Variants in TRPM3 observed in about 807,000 individuals in gnomAD.
TRPM3 encodes transient receptor potential cation channel subfamily M member 3.
A neutral mutation model predicts 181.2 loss-of-function variants in TRPM3; 77 were observed. The observed-to-expected ratio is 0.42, with a 90% CI of 0.35 to 0.51. TRPM3 has a LOEUF of 0.51. Among genes scored for constraint, TRPM3 ranks in the 20% least tolerant of loss-of-function variants. TRPM3 has a pLI of 0.01. For synonymous variants in TRPM3, 745 were observed against 796.4 expected, an observed-to-expected ratio of 0.94 and a Z score of 1.09; for missense variants, 1,759 against 2,196.7, an observed-to-expected ratio of 0.80 and a Z score of 3.98.
At position 70,863,068 on chromosome 9, in the gene TRPM3, G is replaced by C. The variant is rs1226530851; in HGVS notation, c.302C>G (p.Pro101Arg). The C allele has an allele frequency of 1.2e-6, 2 of 1,613,560 alleles. No homozygotes were observed. Among genetic ancestry groups the C allele is most frequent in the East Asian group, 2.2e-5 (1 of 44,844 alleles). ...CTCATTCTGAAGCACGGAGATACTG[G>C]GGGTGAGGCCAACATGCTGGCCTAT... The part of the protein sequence containing the change: ...RLIGQHVGLT[P>R]SISVLQNEKN... Residue 101 changes from proline (P) to arginine (R), a missense_variant, in exon 3 of 26, where the codon CCC becomes CGC. Physicochemically the swap from Pro to Arg is moderately radical, Grantham distance 103 (BLOSUM62 -2). Around this residue, in one of 8 missense-constraint regions of TRPM3, gnomAD observed 737 missense variants for 957.4 expected, o/e 0.77. Transcript: ENST00000677713.
chr9:70,860,100 T>C (rs911293044), intron 3 of TRPM3, among the ~76,000 whole-genome samples: 12 of 152,228 alleles, frequency 7.9e-5, no homozygotes, highest in Non-Finnish European at 2.9e-5. Context: ...TTTGTTACTT[T>C]TATAAGTAGC....
rs35173071 is a variant in TRPM3, at chr9:70,781,326, T to TAAAAAA, written c.1148+2773_1148+2778dup. Reference sequence around the variant, plus strand: ...GGGGACAGCATGAGATTCCATTTCATAAAAAAAAAAAAAAAAAAAAAAAGA... The same window carrying TAAAAAA: ...GGGGACAGCATGAGATTCCATTTCATAAAAAAAAAAAAAAAAAAAAAAAAAAAAAGA... On this transcript the variant is annotated intron_variant, in intron 7 of 25. Transcript: ENST00000677713. Among the ~76,000 whole-genome samples the TAAAAAA allele has an allele frequency of 1.7e-3, 185 of 106,042 alleles. 1 individual carries two copies. Among genetic ancestry groups the TAAAAAA allele is most frequent in the African/African-American group, 2.6e-3 (71 of 26,908 alleles). 69.6% of individuals were successfully genotyped at this position (106,042 alleles called of 152,430 possible). A position where few individuals can be genotyped will look rare whatever the true frequency, so the allele number is the denominator to read the frequency against.
chr9:70,546,549 T>TG (rs2044954280), intron 25 of TRPM3, among the ~76,000 whole-genome samples: 1 of 152,032 alleles, frequency 6.6e-6, no homozygotes, highest in Admixed American at 6.6e-5. Flanking sequence ...TGCCTGGCAA[T>TG]GGTGAAAGCC....
At chr9:71,002,899 C>CCAATATTCA (rs1409167423) in intron 1 of TRPM3, among the ~76,000 whole-genome samples, 5 of 152,020 alleles carry the variant, frequency 3.3e-5, no homozygotes, top group African/African-American at 1.2e-4. Flanking sequence ...TAAGTATGAT[C>CCAATATTCA]CAATATTCAA....
At position 70,552,960 on chromosome 9, in the gene TRPM3, C is replaced by T. The variant is rs1161813897; in HGVS notation, c.3458G>A (p.Arg1153Lys). 11 of 1,614,186 alleles carry T rather than the reference C, an allele frequency of 6.8e-6. No homozygotes were observed. Among genetic ancestry groups the T allele is most frequent in the Non-Finnish European group, 9.3e-6 (11 of 1,180,032 alleles). ...GATCAGTGGTGGGGGCAGAACTGGC[C>T]TTTCATGGAAAGTCATGATGAGCTG... Reference protein sequence around the residue: ...RYQLIMTFHERPVLPPPLIIF... With the variant: ...RYQLIMTFHEKPVLPPPLIIF... The change falls in exon 24 of 26, where the codon AGG becomes AAG. Residue 1153 changes from arginine to lysine, a missense_variant. Physicochemically the swap from Arg to Lys is conservative, Grantham distance 26 (BLOSUM62 2). Coordinates refer to ENST00000677713, the MANE Select transcript of TRPM3 (RefSeq NM_001366145.2).
At chr9:70,840,604 T>C (rs1289793703) in intron 5 of TRPM3, among the ~76,000 whole-genome samples, 3 of 150,890 alleles carry the variant, frequency 2.0e-5, no homozygotes, top group Non-Finnish European at 4.4e-5. Flanking sequence ...AGAAGAAGAA[T>C]GGGAAGAAAC....
chr9:70,612,059 T>A (rs1357958591), intron 18 of TRPM3, among the ~76,000 whole-genome samples: 1 of 152,140 alleles, frequency 6.6e-6, no homozygotes, highest in African/African-American at 2.4e-5. Context: ...CACTATAGGG[T>A]TGGCCTACAA....
chr9:71,399,026 A>G (rs1049517911), intron 1 of TRPM3, among the ~76,000 whole-genome samples: 5 of 152,188 alleles, frequency 3.3e-5, no homozygotes, highest in African/African-American at 1.2e-4. Flanking sequence ...AATTTTGACT[A>G]TATCCTTTGT....
intron 1 of TRPM3, among the ~76,000 whole-genome samples, chr9:71,078,670 G>C (rs2063798703): frequency 6.6e-6 from 1 of 152,028 alleles, no homozygotes; most frequent in African/African-American, 2.4e-5. Flanking sequence ...AATGTTAAAG[G>C]GATCACAAAA....
intron 9 of TRPM3, among the ~76,000 whole-genome samples, chr9:70,655,176 C>T (rs1183162154): frequency 2.0e-5 from 3 of 150,352 alleles, no homozygotes; most frequent in African/African-American, 4.9e-5. Context: ...TGTGGTGGCT[C>T]GTGCCTGTAA....
At chr9:70,892,185 T>G (rs965819877) in intron 1 of TRPM3, among the ~76,000 whole-genome samples, 1 of 152,218 alleles carries the variant, frequency 6.6e-6, no homozygotes, top group Non-Finnish European at 1.5e-5. Flanking sequence ...GAAGACTATA[T>G]AGAGAAATTA....
At chr9:71,169,195 T>C (rs2076713586) in intron 1 of TRPM3, among the ~76,000 whole-genome samples, 3 of 152,212 alleles carry the variant, frequency 2.0e-5, no homozygotes. Flanking sequence ...TGTGAAATCA[T>C]CCAATCTTCA....
chr9:70,878,765 C>T (rs2132661414), intron 1 of TRPM3, among the ~76,000 whole-genome samples: 1 of 152,100 alleles, frequency 6.6e-6, no homozygotes, highest in East Asian at 1.9e-4. Context: ...AATCAGTGTG[C>T]AGTGCATGGT....
At chr9:71,124,191 T>C (rs1016549611), upstream of TRPM3, among the ~76,000 whole-genome samples, 4 of 152,092 alleles carry the variant, frequency 2.6e-5, no homozygotes, top group Admixed American at 2.0e-4. Flanking sequence ...TGTGCCAGAA[T>C]TGTTTGCTAT....
chr9:71,376,804 C>G (rs778207738), intron 1 of TRPM3, among the ~76,000 whole-genome samples: 1 of 151,966 alleles, frequency 6.6e-6, no homozygotes, highest in African/African-American at 2.4e-5. Flanking sequence ...TTCACAAATG[C>G]ACAGTGAAGC....
intron 1 of TRPM3, among the ~76,000 whole-genome samples, chr9:71,157,597 G>A (rs947035120): frequency 3.3e-5 from 5 of 152,088 alleles, no homozygotes; most frequent in African/African-American, 7.2e-5. Context: ...AAGCAAAGCC[G>A]TTCTGAGTTT....
At chr9:70,940,901 G>T (rs1423910081) in intron 1 of TRPM3, among the ~76,000 whole-genome samples, 3 of 152,156 alleles carry the variant, frequency 2.0e-5, no homozygotes, top group Non-Finnish European at 2.9e-5. Flanking sequence ...AAAAAAACTG[G>T]CTCTGTTTTT....
chr9:71,384,394 A>G (rs1321989738), intron 1 of TRPM3, among the ~76,000 whole-genome samples: 1 of 152,246 alleles, frequency 6.6e-6, no homozygotes, highest in Non-Finnish European at 1.5e-5. Context: ...AAAGTAAAGC[A>G]TAATAGAAAA....
intron 20 of TRPM3, among the ~76,000 whole-genome samples, chr9:70,599,875 T>C (rs2059585626): frequency 6.6e-6 from 1 of 152,212 alleles, no homozygotes; most frequent in Non-Finnish European, 1.5e-5. Flanking sequence ...AATCAATTGA[T>C]CAATCATCTA....
Sources: gnomAD v4.1 joint callset for allele counts (sites outside exome capture counted in the v4.1 genomes callset) on GRCh38, gnomAD v4.1.1 for gene constraint, gnomAD v4.1.1 regional missense constraint, MANE v1.5 for transcripts, NCBI Gene and HGNC (gene_info 2026-07-23, HGNC 2026-07-21) for gene names.